The following RELN variants were observed in gnomAD, a reference collection of about 807,000 sequenced individuals.
RELN encodes reelin.
In RELN, 108 loss-of-function variants were observed where a neutral mutation model predicts 427.6. The observed-to-expected ratio is 0.25, with a 90% confidence interval of 0.22 to 0.30. The LOEUF (loss-of-function observed/expected upper bound fraction) is 0.30. RELN is among the 10% of genes least tolerant of loss of function. The pLI is 1.00. For synonymous variants in RELN, 1,524 were observed against 1,513.4 expected (o/e 1.01, Z -0.16); for missense variants, 3,715 against 4,302.8 (o/e 0.86, Z 3.82).
intron 51 of RELN, among the ~76,000 whole-genome samples, chr7:103,504,900 G>A (rs544843210): frequency 2.3e-4 from 35 of 152,254 alleles, no homozygotes; most frequent in African/African-American, 7.7e-4. Context: ...GGGGAGGGGC[G>A]TCTGCCATTA....
intron 53 of RELN, among the ~76,000 whole-genome samples, chr7:103,500,464 A>G (rs1377104221): frequency 6.6e-6 from 1 of 152,210 alleles, no homozygotes; most frequent in Non-Finnish European, 1.5e-5. Context: ...ATTGACTTTA[A>G]AAATAGTCTG....
chr7:103,496,415 G>T, intron 56 of RELN, 111 bp downstream of exon 56: 1 of 1,390,246 alleles, frequency 7.2e-7, no homozygotes, highest in Non-Finnish European at 1.0e-6. Flanking sequence ...TGTTGAGCAG[G>T]AGTATGGGCT....
At chr7:103,903,828 G>A (rs73183741) in intron 2 of RELN, among the ~76,000 whole-genome samples, 7,740 of 150,136 alleles carry the variant, frequency 0.052, 527 homozygotes, top group East Asian at 0.27. Context: ...TGGTTTCTGA[G>A]TACATATCTT....
chr7:103,724,824 G>A (rs1790164620), intron 7 of RELN, among the ~76,000 whole-genome samples: 1 of 150,702 alleles, frequency 6.6e-6, no homozygotes, highest in Admixed American at 6.6e-5. Context: ...AAAAAAAAAA[G>A]AAGCACTGCC....
chr7:103,573,889 A>G lies in RELN; in HGVS notation c.4511+203T>C, dbSNP rs1562899296. 6.6e-6 allele frequency among the ~76,000 whole-genome samples: 1 copy of G among 152,218 alleles called. No individual in the cohort carries two copies. The highest frequency in any genetic ancestry group is 1.5e-5 in the Non-Finnish European group (1 of 68,044). Reference sequence around the variant, plus strand: ...AGGCCTTGGTGATGACCACACATGGATTTATGAATTGCAGCATGGTCTTTG... The same window carrying G: ...AGGCCTTGGTGATGACCACACATGGGTTTATGAATTGCAGCATGGTCTTTG... On this transcript the variant is annotated intron_variant, in intron 30 of 64. Transcript: ENST00000428762. This position sits in a 1 kb window ranked among gnomAD's most constrained non-coding sequence, Gnocchi z 4.4.
chr7:103,570,414 C>G (rs1830855184), intron 31 of RELN, among the ~76,000 whole-genome samples: 1 of 152,216 alleles, frequency 6.6e-6, no homozygotes, highest in Non-Finnish European at 1.5e-5. Flanking sequence ...GAGTCCCCAT[C>G]CAGACTATTT....
chr7:103,479,372 C>T (rs764703603), intron 63 of RELN, among the ~76,000 whole-genome samples: 10 of 152,168 alleles, frequency 6.6e-5, no homozygotes, highest in Non-Finnish European at 1.5e-4. Flanking sequence ...AGGTTTCTGA[C>T]ACTTGATTGT....
At chr7:103,832,409 A>G (rs1383760532) in intron 3 of RELN, among the ~76,000 whole-genome samples, 1 of 151,960 alleles carries the variant, frequency 6.6e-6, no homozygotes, top group Non-Finnish European at 1.5e-5. Context: ...CAGTGAAGAA[A>G]AAACAAAAAC....
chr7:103,512,259 A>T (rs1440965601), intron 50 of RELN, among the ~76,000 whole-genome samples: 2 of 152,212 alleles, frequency 1.3e-5, no homozygotes, highest in Non-Finnish European at 2.9e-5. Context: ...CTTGTTATAA[A>T]GGCTAATTTT....
intron 4 of RELN, among the ~76,000 whole-genome samples, chr7:103,760,643 C>A (rs1219091024): frequency 6.6e-6 from 1 of 151,952 alleles, no homozygotes; most frequent in East Asian, 1.9e-4. Context: ...AAAAAAAAAG[C>A]CTTTGAGTCA....
At position 103,620,474 on chromosome 7, in the gene RELN, CA is replaced by C. The variant is rs1322639123; in HGVS notation, c.2703-8672del. On this transcript the variant is annotated intron_variant, in intron 20 of 64. Coordinates refer to ENST00000428762, the MANE Select transcript of RELN (RefSeq NM_005045.4). This position sits in a 1 kb window ranked among gnomAD's most constrained non-coding sequence, Gnocchi z 4.1. ...GGTTGAAGATAACTCACCCGATCCA[CA>C]TTTTTTTTTTTTTTTTGAGATAGAG... 5.4e-3 allele frequency among the ~76,000 whole-genome samples: 546 copies of C among 100,408 alleles called. 1 individual carries two copies. Among genetic ancestry groups the C allele is most frequent in the Admixed American group, 0.014 (119 of 8,710 alleles). The allele number at this position is 100,408 out of a possible 152,430, so 65.9% of individuals were successfully genotyped here. A position where few individuals can be genotyped will look rare whatever the true frequency, so the allele number is the denominator to read the frequency against.
intron 2 of RELN, among the ~76,000 whole-genome samples, chr7:103,849,808 T>C (rs2116459639): frequency 6.6e-6 from 1 of 152,284 alleles, no homozygotes; most frequent in South Asian, 2.1e-4. Context: ...ACCTACCACA[T>C]ATATCCTGAA....
intron 10 of RELN, among the ~76,000 whole-genome samples, chr7:103,692,773 G>C (rs537042872): frequency 6.6e-6 from 1 of 152,120 alleles, no homozygotes; most frequent in Non-Finnish European, 1.5e-5. Context: ...TGGAAAAAGA[G>C]TGGCATTTTT....
At chr7:103,725,694 A>G (rs1790194662) in intron 7 of RELN, among the ~76,000 whole-genome samples, 1 of 152,164 alleles carries the variant, frequency 6.6e-6, no homozygotes. Context: ...ATTCCTTTTT[A>G]CCTTTATCTT....
chr7:103,850,152 T>C (rs1449783555), intron 2 of RELN, among the ~76,000 whole-genome samples: 5 of 152,172 alleles, frequency 3.3e-5, no homozygotes, highest in Non-Finnish European at 5.9e-5. Flanking sequence ...TCATAACAAA[T>C]GTCAATGGAA....
At chr7:103,784,041 A>C (rs953327375) in intron 3 of RELN, among the ~76,000 whole-genome samples, 3 of 152,178 alleles carry the variant, frequency 2.0e-5, no homozygotes, top group Non-Finnish European at 4.4e-5. Context: ...TCACCAATGA[A>C]GTGAATCTGG....
At chr7:103,970,212 G>C (rs954399832) in intron 1 of RELN, among the ~76,000 whole-genome samples, 1 of 150,052 alleles carries the variant, frequency 6.7e-6, no homozygotes. Context: ...GTGTGATCTC[G>C]GCTCATGGCA....
At chr7:103,860,064 G>A (rs1210987826) in intron 2 of RELN, among the ~76,000 whole-genome samples, 2 of 152,064 alleles carry the variant, frequency 1.3e-5, no homozygotes, top group Non-Finnish European at 2.9e-5. Context: ...TTAAACATGC[G>A]AGCTTAGCCA....
At chr7:103,901,711 AAAG>A (rs1795088336) in intron 2 of RELN, among the ~76,000 whole-genome samples, 1 of 152,066 alleles carries the variant, frequency 6.6e-6, no homozygotes, top group South Asian at 2.1e-4. Context: ...CCAGAGACAG[AAAG>A]AAGACTAGTG....
Sources: gnomAD v4.1 joint callset for allele counts (sites outside exome capture counted in the v4.1 genomes callset) on GRCh38, gnomAD v4.1.1 for gene constraint, Gnocchi (gnomAD v3.1) non-coding constraint, MANE v1.5 for transcripts, NCBI Gene and HGNC (gene_info 2026-07-23, HGNC 2026-07-21) for gene names.